GDPD5: variants seen among roughly 807,000 people sequenced by gnomAD.
The protein encoded by GDPD5 is glycerophosphodiester phosphodiesterase domain containing 5.
In GDPD5, 48 loss-of-function variants were observed where a neutral mutation model predicts 75.1. The ratio of observed to expected loss-of-function variants is 0.64; its 90% confidence interval spans 0.51 to 0.81. The LOEUF (loss-of-function observed/expected upper bound fraction) is 0.81. Among genes scored for constraint, GDPD5 ranks in the 40% least tolerant of loss-of-function variants. The probability of loss-of-function intolerance (pLI) is 0.00; values close to 1 mark genes in which losing one functional copy is unlikely to be tolerated. For missense variants in GDPD5, 706 were observed against 822.6 expected, an observed-to-expected ratio of 0.86 and a Z score of 1.73; for synonymous variants, 336 against 339.0, an observed-to-expected ratio of 0.99 and a Z score of 0.10.
chr11:75,514,634 C>T (rs1950599674), intron 1 of GDPD5, among the ~76,000 whole-genome samples: 1 of 152,244 alleles, frequency 6.6e-6, no homozygotes, highest in Admixed American at 6.5e-5. Flanking sequence ...TGAAAATCAA[C>T]ACCTGGTCAC....
chr11:75,440,684 T>C (rs950186068), intron 14 of GDPD5, among the ~76,000 whole-genome samples: 1 of 152,062 alleles, frequency 6.6e-6, no homozygotes, highest in Non-Finnish European at 1.5e-5. Context: ...GCCTACCGAG[T>C]AGCTAGGACT....
chr11:75,459,268 C>T (rs999315025), intron 4 of GDPD5, among the ~76,000 whole-genome samples: 1 of 151,890 alleles, frequency 6.6e-6, no homozygotes, highest in South Asian at 2.1e-4. Context: ...ACATATCTTT[C>T]TGTATTTTTG....
intron 1 of GDPD5, among the ~76,000 whole-genome samples, chr11:75,513,609 C>T (rs778649896): frequency 6.6e-6 from 1 of 152,210 alleles, no homozygotes; most frequent in Non-Finnish European, 1.5e-5. Context: ...TCAGTCTTGA[C>T]TCTCCGTGAA....
chr11:75,477,225 CA>C (rs1284604709), intron 3 of GDPD5, among the ~76,000 whole-genome samples: 1 of 152,156 alleles, frequency 6.6e-6, no homozygotes, highest in African/African-American at 2.4e-5. Flanking sequence ...GTGGCCCTGC[CA>C]GCTCCCAGGC....
At chr11:75,449,353 C>T (rs1949069237) in intron 8 of GDPD5, among the ~76,000 whole-genome samples, 164 bp downstream of exon 8, 1 of 152,184 alleles carries the variant, frequency 6.6e-6, no homozygotes, top group South Asian at 2.1e-4. Flanking sequence ...CTGTGACCCT[C>T]CGTGGACTCT....
intron 2 of GDPD5, among the ~76,000 whole-genome samples, chr11:75,484,599 T>A (rs532294177): frequency 6.9e-4 from 105 of 152,254 alleles, no homozygotes; most frequent in African/African-American, 2.4e-3. Flanking sequence ...CAGAACTGAT[T>A]GAGGTCAAGT....
chr11:75,495,930 G>A (rs1364992230), intron 1 of GDPD5, among the ~76,000 whole-genome samples: 1 of 152,246 alleles, frequency 6.6e-6, no homozygotes, highest in Admixed American at 6.5e-5. Flanking sequence ...CCTTTTACAA[G>A]TGCTTTCCAC....
At chr11:75,525,049 C>G (rs906585310) in intron 1 of GDPD5, among the ~76,000 whole-genome samples, 161 bp downstream of exon 1, 2 of 152,264 alleles carry the variant, frequency 1.3e-5, no homozygotes, top group Admixed American at 1.3e-4. Flanking sequence ...ACACAATGGG[C>G]GCTCAATAAG....
intron 1 of GDPD5, among the ~76,000 whole-genome samples, chr11:75,494,831 A>T (rs1950181485): frequency 6.6e-6 from 1 of 151,886 alleles, no homozygotes; most frequent in African/African-American, 2.4e-5. Flanking sequence ...ATGCGCCTGT[A>T]ATCCCAGCTA....
Position 75,448,568 on chromosome 11 carries a change from A to G in GDPD5, c.714+409T>C, listed in dbSNP as rs184458923. The G allele has an allele frequency of 9.1e-4, 904 of 993,766 alleles. 4 individuals carry two copies. The African/African-American group carries it at 0.014, about 15-fold the overall frequency. The allele number at this position is 993,766 out of a possible 1,614,324, so 61.6% of individuals were successfully genotyped here. On this transcript the variant is annotated intron_variant, in intron 9 of 16. Coordinates refer to ENST00000336898, the MANE Select transcript of GDPD5 (RefSeq NM_030792.8). ...GACTTTGATCCCTTCGTCTTTCTCC[A>G]ACTCACGTCGGTTCAGCCGTACTCA...
Position 75,443,220 on chromosome 11 carries a change from C to T in GDPD5, c.864G>A (p.Glu288=), listed in dbSNP as rs143749567. ...CAGGCCTGCGGGCCAGCTCCGGGAACTCCTCCTCCACGTTGGTGGTGCGCC... is the reference window on the plus strand; with the variant it reads ...CAGGCCTGCGGGCCAGCTCCGGGAATTCCTCCTCCACGTTGGTGGTGCGCC... ...TLRRTTNVEE[E]FPELARRPAS... The change falls in exon 11 of 17, where the codon GAG becomes GAA. Residue 288 remains glutamate, a synonymous_variant. Transcript: ENST00000336898. The T allele has an allele frequency of 9.3e-6, 15 of 1,607,524 alleles. No homozygotes were observed. The highest frequency in any genetic ancestry group is 8.0e-5 in the African/African-American group (6 of 74,874).
At chr11:75,476,939 T>TGAATTTA (rs1949792530) in intron 3 of GDPD5, among the ~76,000 whole-genome samples, 1 of 146,716 alleles carries the variant, frequency 6.8e-6, no homozygotes. Flanking sequence ...TGGGGCTGGC[T>TGAATTTA]GAATTTAGAG....
intron 6 of GDPD5, among the ~76,000 whole-genome samples, chr11:75,454,729 A>G (rs1173340365): frequency 6.6e-6 from 1 of 152,246 alleles, no homozygotes; most frequent in African/African-American, 2.4e-5. Context: ...GTTTAAAGAA[A>G]AAAGAAAAAG....
At chr11:75,470,688 A>C (rs1015062183) in intron 3 of GDPD5, among the ~76,000 whole-genome samples, 1 of 152,218 alleles carries the variant, frequency 6.6e-6, no homozygotes, top group East Asian at 1.9e-4. Context: ...ATGGGAAAAA[A>C]ATTTTAAAAA....
chr11:75,501,943 A>T (rs1950311769), intron 1 of GDPD5, among the ~76,000 whole-genome samples: 1 of 152,150 alleles, frequency 6.6e-6, no homozygotes, highest in Non-Finnish European at 1.5e-5. Context: ...GACCCGCGCC[A>T]AACACCTGGG....
chr11:75,441,210 C>T lies in GDPD5; in HGVS notation c.1426G>A (p.Asp476Asn), dbSNP rs1478838185. The T allele has an allele frequency of 1.9e-6, 3 of 1,614,036 alleles. No homozygotes were observed. Among genetic ancestry groups the T allele is most frequent in the Non-Finnish European group, 2.5e-6 (3 of 1,179,988 alleles). ...ACCTGGGACAGGGCGTGGGAGTTGTCAGAGGTGACGGATGGGACCCCCGCA... is the reference window on the plus strand; with the variant it reads ...ACCTGGGACAGGGCGTGGGAGTTGTTAGAGGTGACGGATGGGACCCCCGCA... ...WCAGVPSVTSDNSHALSQVPS... is the reference protein window; with the variant it reads ...WCAGVPSVTSNNSHALSQVPS... Residue 476 changes from aspartate (D) to asparagine (N), a missense_variant, in exon 14 of 17, where the codon GAC becomes AAC. Asp to Asn is a conservative substitution (Grantham distance 23). Transcript: ENST00000336898.
chr11:75,497,809 G>T (rs1950238248), intron 1 of GDPD5, among the ~76,000 whole-genome samples: 1 of 152,338 alleles, frequency 6.6e-6, no homozygotes, highest in South Asian at 2.1e-4. Flanking sequence ...TAAAGAGTAA[G>T]ATGCTCACTT....
Position 75,439,925 on chromosome 11 carries a change from C to T in GDPD5, c.1510G>A (p.Asp504Asn), listed in dbSNP as rs141384270. Reference protein sequence around the residue: ...DEYCLMWVTADLVSFTLIVGI... With the variant: ...DEYCLMWVTANLVSFTLIVGI... ...ACGATGAGGGTGAAGGAGACCAGGT[C>T]GGCAGTGACCCACATGAGACAGTAC... Residue 504 changes from aspartate (D) to asparagine (N), a missense_variant, in exon 15 of 17, where the codon GAC (aspartate) becomes AAC (asparagine). By Grantham distance (23) the Asp-to-Asn change is conservative. Coordinates refer to ENST00000336898, the MANE Select transcript of GDPD5 (RefSeq NM_030792.8). 8.1e-5 allele frequency: 131 copies of T among 1,613,798 alleles called. No homozygotes were observed. The Middle Eastern group carries it at 8.2e-4, about 10-fold the overall frequency.
intron 9 of GDPD5, 98 bp from the exon 10 acceptor site, chr11:75,444,593 C>T (rs1158565012): frequency 3.2e-6 from 3 of 930,896 alleles, no homozygotes; most frequent in Admixed American, 3.6e-5. Context: ...TGGGCTAGGC[C>T]TGGTTCTAAT....
Sources: allele counts gnomAD v4.1 joint callset (sites outside exome capture counted in the v4.1 genomes callset), GRCh38; gene constraint gnomAD v4.1.1; transcripts MANE v1.5; gene names NCBI Gene and HGNC (gene_info 2026-07-23, HGNC 2026-07-21).